IL23R: variants seen among roughly 807,000 people sequenced by gnomAD.
The protein encoded by IL23R is interleukin 23 receptor.
In IL23R, 34 loss-of-function variants were observed where a neutral mutation model predicts 56.9. The ratio of observed to expected loss-of-function variants is 0.60; its 90% CI spans 0.45 to 0.80. The LOEUF is 0.80. Ranked by LOEUF, IL23R falls within the 30% of genes least tolerant of loss-of-function variation. IL23R has a pLI of 0.00. For synonymous variants in IL23R, 230 were observed against 249.2 expected, an observed-to-expected ratio of 0.92 and a Z score of 0.73; for missense variants, 635 against 730.0, an observed-to-expected ratio of 0.87 and a Z score of 1.50.
rs779430236 is a variant in IL23R, at chr1:67,219,694, T to G, written c.919T>G (p.Trp307Gly). The change falls in exon 7 of 11, where the codon TGG becomes GGG. Residue 307 changes from tryptophan (W) to glycine (G), a missense_variant. Trp to Gly is a radical substitution (Grantham distance 184, BLOSUM62 -2). Coordinates refer to ENST00000347310, the MANE Select transcript of IL23R (RefSeq NM_144701.3). ...QETGKRYWQP[W>G]SSLFFHKTPE... The stretch of plus-strand genomic sequence containing the variant: ...AACAGGCAAAAGGTACTGGCAGCCT[T>G]GGAGTTCACTGTTTTTTCATAAAAC... 1.2e-6 allele frequency: 2 copies of G among 1,614,032 alleles called. No homozygotes were observed. The highest frequency in any genetic ancestry group is 3.3e-5 in the Admixed American group (2 of 60,018).
chr1:67,256,230 T>C (rs1570933544), intron 10 of IL23R, among the ~76,000 whole-genome samples: 1 of 152,288 alleles, frequency 6.6e-6, no homozygotes, highest in Admixed American at 6.5e-5. Flanking sequence ...ATGGTAGATG[T>C]CTTCAGGAAC....
intron 1 of IL23R, 102 bp downstream of exon 1, chr1:67,166,643 A>G (rs1370506169): frequency 6.6e-6 from 1 of 152,400 alleles, no homozygotes; most frequent in Non-Finnish European, 1.5e-5. Context: ...ATGATATTCC[A>G]TGCAGTGGTT....
intron 7 of IL23R, among the ~76,000 whole-genome samples, chr1:67,228,117 T>C (rs1466541585): frequency 5.0e-5 from 7 of 138,936 alleles, no homozygotes; most frequent in Non-Finnish European, 9.4e-5. Context: ...TCTCTCTTTC[T>C]TTCTTTCTTT....
At chr1:67,195,559 A>C (rs550847353) in intron 4 of IL23R, among the ~76,000 whole-genome samples, 1 of 152,276 alleles carries the variant, frequency 6.6e-6, no homozygotes, top group African/African-American at 2.4e-5. Context: ...CTGTCTCTAA[A>C]ATCCAAGCCC....
chr1:67,174,545 A>G (rs955637370), intron 3 of IL23R, among the ~76,000 whole-genome samples: 3 of 151,858 alleles, frequency 2.0e-5, no homozygotes, highest in Admixed American at 2.0e-4. Flanking sequence ...ATGAGCCCCT[A>G]TCCTTCCATT....
chr1:67,264,218 C>T (rs937080321), downstream of IL23R, among the ~76,000 whole-genome samples: 7 of 152,220 alleles, frequency 4.6e-5, no homozygotes, highest in African/African-American at 1.7e-4. Flanking sequence ...CTAATAGAGG[C>T]AGTTCTATTC....
At chr1:67,148,243 G>C (rs554328486) in intron 1 of IL23R, among the ~76,000 whole-genome samples, 3 of 152,372 alleles carry the variant, frequency 2.0e-5, no homozygotes, top group African/African-American at 7.2e-5. Context: ...ATCAGCAGTA[G>C]TGGACGGCGA....
chr1:67,203,389 C>T (rs189791071), intron 5 of IL23R, among the ~76,000 whole-genome samples: 1 of 152,188 alleles, frequency 6.6e-6, no homozygotes, highest in East Asian at 1.9e-4. Context: ...GGAAAAAATC[C>T]CATCTGGCCT....
At chr1:67,227,872 A>C (rs1650721479) in intron 7 of IL23R, among the ~76,000 whole-genome samples, 1 of 152,224 alleles carries the variant, frequency 6.6e-6, no homozygotes, top group Non-Finnish European at 1.5e-5. Context: ...GTTTCTGCAG[A>C]ATAGGAAACA....
intron 3 of IL23R, among the ~76,000 whole-genome samples, chr1:67,178,687 A>C (rs1471411597): frequency 6.6e-6 from 1 of 152,154 alleles, no homozygotes; most frequent in African/African-American, 2.4e-5. Context: ...GGGCATCCCC[A>C]TCTTGTGCCA....
chr1:67,171,928 A>G (rs1646949348), intron 3 of IL23R, among the ~76,000 whole-genome samples: 1 of 152,246 alleles, frequency 6.6e-6, no homozygotes, highest in African/African-American at 2.4e-5. Context: ...AGGTAAGAGA[A>G]TGGACTTTGT....
chr1:67,219,697 A>G lies in IL23R; in HGVS notation c.922A>G (p.Ser308Gly). Residue 308 changes from serine to glycine, a missense_variant, in exon 7 of 11, where the codon AGT becomes GGT. Coordinates refer to ENST00000347310, the MANE Select transcript of IL23R (RefSeq NM_144701.3). ...ETGKRYWQPW[S>G]SLFFHKTPET... ...AGGCAAAAGGTACTGGCAGCCTTGG[A>G]GTTCACTGTTTTTTCATAAAACACC... 6.2e-7 allele frequency: 1 copy of G among 1,614,020 alleles called. No homozygotes were observed. The highest frequency in any genetic ancestry group is 1.1e-5 in the South Asian group (1 of 91,078).
intron 1 of IL23R, among the ~76,000 whole-genome samples, chr1:67,161,264 T>C (rs1425581781): frequency 6.6e-6 from 1 of 152,220 alleles, no homozygotes; most frequent in African/African-American, 2.4e-5. Flanking sequence ...TATCTCATAT[T>C]CTAGAATTGA....
intron 7 of IL23R, 52 bp from the exon 8 acceptor site, chr1:67,236,661 G>A: frequency 8.5e-7 from 1 of 1,182,276 alleles, no homozygotes. Context: ...GGGAAATTTG[G>A]CAAGCAGAGT....
At chr1:67,202,519 T>C (rs942804560) in intron 5 of IL23R, among the ~76,000 whole-genome samples, 1 of 152,250 alleles carries the variant, frequency 6.6e-6, no homozygotes, top group Non-Finnish European at 1.5e-5. Context: ...ATTACAGGCG[T>C]GAGCCACTGC....
chr1:67,219,618 A>G lies in IL23R; in HGVS notation c.843A>G (p.Glu281=), dbSNP rs562251072. The change falls in exon 7 of 11, where the codon GAA becomes GAG. Residue 281 remains glutamate (E), a synonymous_variant. Coordinates refer to ENST00000347310, the MANE Select transcript of IL23R (RefSeq NM_144701.3). ...ATTTTACATATGTGCAACAGTCAGAATTCTACTTGGAGCCAAACATTAAGT... is the reference window on the plus strand; with the variant it reads ...ATTTTACATATGTGCAACAGTCAGAGTTCTACTTGGAGCCAAACATTAAGT... ...DTNFTYVQQS[E]FYLEPNIKYV... 9.6e-4 allele frequency: 1,546 copies of G among 1,614,110 alleles called. 25 individuals carry two copies. In the South Asian group the frequency reaches 0.016, roughly 17 times the overall value.
intron 4 of IL23R, among the ~76,000 whole-genome samples, chr1:67,185,097 T>A (rs1647253480): frequency 6.6e-6 from 1 of 152,216 alleles, no homozygotes; most frequent in Non-Finnish European, 1.5e-5. Flanking sequence ...AAATTTCTGT[T>A]GTTTATAAAT....
intron 4 of IL23R, among the ~76,000 whole-genome samples, chr1:67,193,279 C>T (rs769895113): frequency 1.4e-4 from 21 of 152,148 alleles, no homozygotes; most frequent in South Asian, 2.1e-4. Context: ...CTTTTTACTC[C>T]GCTTTAGTTT....
intron 1 of IL23R, among the ~76,000 whole-genome samples, chr1:67,156,834 A>G (rs1646773658): frequency 6.6e-6 from 1 of 152,076 alleles, no homozygotes; most frequent in Non-Finnish European, 1.5e-5. Context: ...CTCCTGTCTC[A>G]CTGGCATTCC....
Sources: gnomAD v4.1 joint callset for allele counts (sites outside exome capture counted in the v4.1 genomes callset) on GRCh38, gnomAD v4.1.1 for gene constraint, MANE v1.5 for transcripts, NCBI Gene and HGNC (gene_info 2026-07-23, HGNC 2026-07-21) for gene names.